DCDC1: variants seen among roughly 807,000 people sequenced by gnomAD.
The protein encoded by DCDC1 is doublecortin domain containing 1, also known as doublecortin domain-containing protein 1.
DCDC1 carries 200 observed loss-of-function variants against 178.3 expected under a neutral mutation model. The ratio of observed to expected loss-of-function variants is 1.12; its 90% confidence interval spans 1.00 to 1.26. The LOEUF (loss-of-function observed/expected upper bound fraction) is 1.26, where lower values mean the gene tolerates loss of function less well. DCDC1 is among the 50% of genes most tolerant of loss of function. The pLI is 0.00. For synonymous variants in DCDC1, 690 were observed against 604.8 expected (o/e 1.14, Z -2.07); for missense variants, 1,983 against 1,749.2 (o/e 1.13, Z -2.38).
chr11:30,904,913 G>A, intron 31 of DCDC1, 48 bp downstream of exon 31: 1 of 1,606,014 alleles, frequency 6.2e-7, no homozygotes, highest in South Asian at 1.1e-5. Flanking sequence ...AATTGCCATT[G>A]TCATTACCTC....
intron 11 of DCDC1, among the ~76,000 whole-genome samples, chr11:31,117,236 G>A (rs751896510): frequency 6.6e-6 from 1 of 152,050 alleles, no homozygotes; most frequent in Non-Finnish European, 1.5e-5. Flanking sequence ...TGGGATTAGG[G>A]GGTTGGGCAA....
chr11:31,227,870 CA>C (rs1404104021), intron 9 of DCDC1, among the ~76,000 whole-genome samples: 1 of 151,736 alleles, frequency 6.6e-6, no homozygotes, highest in Non-Finnish European at 1.5e-5. Context: ...TAAAATAAAA[CA>C]AAATGGACTT....
At chr11:31,194,555 C>A (rs1970463645) in intron 9 of DCDC1, among the ~76,000 whole-genome samples, 1 of 151,978 alleles carries the variant, frequency 6.6e-6, no homozygotes, top group African/African-American at 2.4e-5. Context: ...TTCCATAACT[C>A]TACTTTTTAG....
chr11:30,888,163 GGAAA>G lies in DCDC1; in HGVS notation c.5082+4651_5082+4654del, dbSNP rs1316381429. 1.2e-4 allele frequency among the ~76,000 whole-genome samples: 12 copies of G among 98,092 alleles called. No individual in the cohort carries two copies. The South Asian group carries it at 3.1e-3, about 25-fold the overall frequency. 64.4% of individuals were successfully genotyped at this position (98,092 alleles called of 152,430 possible). On this transcript the variant is annotated intron_variant, in intron 36 of 38. Transcript: ENST00000684477. ...GAAAGAAAGAAAGAAAGAAAGAAAG[GGAAA>G]GAAAGAAAGAGAAAGGAAGGAAGAG...
chr11:31,213,445 G>A (rs968551524), intron 9 of DCDC1, among the ~76,000 whole-genome samples: 1 of 151,892 alleles, frequency 6.6e-6, no homozygotes, highest in African/African-American at 2.4e-5. Flanking sequence ...TCAGCAGGGG[G>A]CGGTGGCTTA....
chr11:31,364,343 G>A (rs1325077177), intron 1 of DCDC1, among the ~76,000 whole-genome samples: 7 of 152,022 alleles, frequency 4.6e-5, no homozygotes, highest in Non-Finnish European at 1.0e-4. Flanking sequence ...CCAGAGTGGT[G>A]ATAAGAAAAA....
In DCDC1 at chr11:31,076,170, T is replaced by A. The variant is rs919714219; in HGVS notation, c.2298+1695A>T. 1.7e-4 allele frequency among the ~76,000 whole-genome samples: 26 copies of A among 152,098 alleles called. 1 individual carries two copies. Among genetic ancestry groups the A allele is most frequent in the Non-Finnish European group, 5.9e-5 (4 of 68,014 alleles). On this transcript the variant is annotated intron_variant, in intron 18 of 38. Coordinates refer to ENST00000684477, the MANE Select transcript of DCDC1 (RefSeq NM_001387274.1). ...CACTGCACCTGGCCTCATTCATTCT[T>A]TTTTATTCTTTTTTTTCTTTAGTTT... is the stretch of plus-strand genomic sequence containing the variant.
At chr11:30,884,741 A>T (rs1272768671) in intron 36 of DCDC1, among the ~76,000 whole-genome samples, 4 of 152,094 alleles carry the variant, frequency 2.6e-5, no homozygotes, top group East Asian at 1.9e-4. Context: ...CAAGAAAAAA[A>T]GTATACATAA....
chr11:31,357,069 C>G (rs1452355933), intron 1 of DCDC1, among the ~76,000 whole-genome samples: 2 of 152,062 alleles, frequency 1.3e-5, no homozygotes, highest in East Asian at 3.9e-4. Flanking sequence ...AAGAGGGAAT[C>G]CTCCCTAACT....
chr11:31,020,682 C>T (rs973069256), intron 20 of DCDC1, among the ~76,000 whole-genome samples: 4 of 152,116 alleles, frequency 2.6e-5, no homozygotes, highest in Non-Finnish European at 1.5e-5. Context: ...AGCCATCCTC[C>T]CTCCTTGGCC....
chr11:31,266,619 G>C (rs1397769665), intron 7 of DCDC1, among the ~76,000 whole-genome samples: 4 of 152,124 alleles, frequency 2.6e-5, no homozygotes, highest in Non-Finnish European at 5.9e-5. Flanking sequence ...GAAGGACAAT[G>C]TGAATTATAT....
At chr11:31,277,574 C>T (rs1946087290) in intron 7 of DCDC1, among the ~76,000 whole-genome samples, 1 of 152,102 alleles carries the variant, frequency 6.6e-6, no homozygotes, top group Admixed American at 6.5e-5. Context: ...CACATTTTCA[C>T]CTACTTGGTA....
At chr11:30,940,548 G>A (rs138140256) in intron 21 of DCDC1, among the ~76,000 whole-genome samples, 1 of 152,130 alleles carries the variant, frequency 6.6e-6, no homozygotes, top group Non-Finnish European at 1.5e-5. Context: ...TGGCAATATT[G>A]GTTGTCTCAG....
chr11:31,158,112 T>TTAA (rs1565363186), intron 9 of DCDC1, among the ~76,000 whole-genome samples: 2 of 152,092 alleles, frequency 1.3e-5, no homozygotes, highest in Non-Finnish European at 2.9e-5. Flanking sequence ...TATTTTATTA[T>TTAA]ATTTTTTTGT....
intron 9 of DCDC1, among the ~76,000 whole-genome samples, chr11:31,210,775 G>A (rs1972436936): frequency 6.6e-6 from 1 of 150,992 alleles, no homozygotes; most frequent in East Asian, 1.9e-4. Flanking sequence ...AATGGACCAA[G>A]CACTGTTCCC....
intron 20 of DCDC1, among the ~76,000 whole-genome samples, chr11:30,988,427 GGAT>G (rs1243669224): frequency 6.6e-6 from 1 of 151,932 alleles, no homozygotes; most frequent in African/African-American, 2.4e-5. Context: ...AAAAAAAATG[GGAT>G]GATGATGATG....
intron 9 of DCDC1, among the ~76,000 whole-genome samples, chr11:31,163,643 C>T (rs1463715906): frequency 6.6e-6 from 1 of 151,912 alleles, no homozygotes; most frequent in Non-Finnish European, 1.5e-5. Context: ...GTATAAAACC[C>T]CTCAGAAATC....
At chr11:31,292,880 A>C (rs1947337633) in intron 6 of DCDC1, among the ~76,000 whole-genome samples, 1 of 152,082 alleles carries the variant, frequency 6.6e-6, no homozygotes, top group Admixed American at 6.6e-5. Flanking sequence ...GGAAAAAAAA[A>C]TATGAATGAA....
At chr11:31,209,082 T>C (rs1037594041) in intron 9 of DCDC1, among the ~76,000 whole-genome samples, 2 of 152,068 alleles carry the variant, frequency 1.3e-5, no homozygotes, top group African/African-American at 4.8e-5. Context: ...CCATTGAACA[T>C]GGAATTTGAG....
Sources: gnomAD v4.1 joint callset for allele counts (sites outside exome capture counted in the v4.1 genomes callset) on GRCh38, gnomAD v4.1.1 for gene constraint, MANE v1.5 for transcripts, NCBI Gene and HGNC (gene_info 2026-07-23, HGNC 2026-07-21) for gene names.